Variants in DCC observed in about 807,000 individuals in gnomAD.
The protein encoded by DCC is netrin receptor DCC.
In DCC, 58 loss-of-function variants were observed where a neutral mutation model predicts 172.5. The ratio of observed to expected loss-of-function variants is 0.34; its 90% CI spans 0.27 to 0.42. The LOEUF is 0.42. DCC is among the 10% of genes least tolerant of loss of function. The probability of loss-of-function intolerance (pLI) is 1.00; values close to 1 mark genes in which losing one functional copy is unlikely to be tolerated. For missense variants in DCC, 1,740 were observed against 1,791.0 expected, an observed-to-expected ratio of 0.97 and a Z score of 0.51; for synonymous variants, 709 against 644.5, an observed-to-expected ratio of 1.10 and a Z score of -1.52.
At chr18:53,049,585 A>G (rs1168921319) in intron 5 of DCC, among the ~76,000 whole-genome samples, 1 of 152,080 alleles carries the variant, frequency 6.6e-6, no homozygotes, top group Non-Finnish European at 1.5e-5. Flanking sequence ...TGGTTACTGT[A>G]GCCTTGTAGT....
chr18:53,465,685 C>G (rs1331289767), intron 24 of DCC, among the ~76,000 whole-genome samples: 1 of 152,074 alleles, frequency 6.6e-6, no homozygotes. Flanking sequence ...GTTTCACACC[C>G]TTTTTCCTCT....
intron 28 of DCC, 56 bp downstream of exon 28, chr18:53,526,815 G>A: frequency 1.3e-6 from 2 of 1,595,966 alleles, no homozygotes; most frequent in Non-Finnish European, 1.7e-6. Context: ...CTGGCGCTGT[G>A]TAATAGCATC....
intron 8 of DCC, among the ~76,000 whole-genome samples, chr18:53,163,094 T>C (rs1187469508): frequency 6.6e-6 from 1 of 152,232 alleles, no homozygotes; most frequent in East Asian, 1.9e-4. Flanking sequence ...CCACCTTTTA[T>C]CAAGTTTGAT....
In DCC at chr18:53,390,541, GTT is replaced by G. The variant is rs1412777163; in HGVS notation, c.2456-1113_2456-1112del. Among the ~76,000 whole-genome samples the G allele has an allele frequency of 2.6e-5, 4 of 152,188 alleles. No individual in the cohort carries two copies. The East Asian group carries it at 7.7e-4, about 29-fold the overall frequency. On this transcript the variant is annotated intron_variant, in intron 16 of 28. Coordinates refer to ENST00000442544, the MANE Select transcript of DCC (RefSeq NM_005215.4). The stretch of plus-strand genomic sequence containing the variant: ...ATGTTATCATATGCCCAGCCTGAGA[GTT>G]ATATTATCACATATTATTTTTCTTA...
intron 1 of DCC, among the ~76,000 whole-genome samples, chr18:52,571,258 AAGAG>A (rs1307359351): frequency 6.6e-6 from 1 of 151,982 alleles, no homozygotes; most frequent in East Asian, 1.9e-4. Flanking sequence ...CTGACAGAGA[AAGAG>A]AGAGAAGGAG....
At chr18:53,448,751 G>A (rs546570082) in intron 22 of DCC, among the ~76,000 whole-genome samples, 3 of 152,274 alleles carry the variant, frequency 2.0e-5, no homozygotes, top group African/African-American at 7.2e-5. Context: ...TACTTGGGAG[G>A]CTGAGGCAAG....
chr18:53,026,756 T>G (rs2143942190), intron 5 of DCC, among the ~76,000 whole-genome samples: 1 of 151,960 alleles, frequency 6.6e-6, no homozygotes, highest in East Asian at 1.9e-4. Flanking sequence ...ATAGAAACAG[T>G]CTTACTATGT....
At chr18:53,362,899 C>T (rs141952303) in intron 15 of DCC, among the ~76,000 whole-genome samples, 1 of 152,098 alleles carries the variant, frequency 6.6e-6, no homozygotes, top group Non-Finnish European at 1.5e-5. Context: ...GCTTGCATGG[C>T]CCATAATAAT....
At chr18:53,017,241 G>A (rs1450353114) in intron 5 of DCC, among the ~76,000 whole-genome samples, 1 of 151,892 alleles carries the variant, frequency 6.6e-6, no homozygotes, top group African/African-American at 2.4e-5. Flanking sequence ...GTTGGGTGAA[G>A]GGTTTACAAA....
intron 5 of DCC, among the ~76,000 whole-genome samples, chr18:52,931,052 A>G (rs1440526961): frequency 7.9e-5 from 12 of 151,920 alleles, no homozygotes; most frequent in Admixed American, 7.9e-4. Context: ...AATTGGACAT[A>G]TTTTAAAGGT....
intron 7 of DCC, among the ~76,000 whole-genome samples, chr18:53,110,777 A>G (rs2043318458): frequency 7.7e-6 from 1 of 130,442 alleles, no homozygotes; most frequent in Admixed American, 8.1e-5. Flanking sequence ...GTGGAGAAAT[A>G]GGAACACTTT....
chr18:52,870,761 A>G (rs893234543), intron 2 of DCC, among the ~76,000 whole-genome samples: 3 of 141,860 alleles, frequency 2.1e-5, no homozygotes, highest in African/African-American at 5.3e-5. Context: ...CTCTGACCCA[A>G]TCATCACGCT....
intron 27 of DCC, among the ~76,000 whole-genome samples, chr18:53,500,959 A>G (rs1287519917): frequency 6.6e-6 from 1 of 152,118 alleles, no homozygotes; most frequent in Non-Finnish European, 1.5e-5. Context: ...CCCCAAAACT[A>G]TGAAGTCTTT....
chr18:52,683,402 T>G (rs2035780291), intron 1 of DCC, among the ~76,000 whole-genome samples: 1 of 152,100 alleles, frequency 6.6e-6, no homozygotes, highest in Admixed American at 6.6e-5. Flanking sequence ...CTCTTTATTC[T>G]TCTAAATTTC....
At chr18:53,106,313 A>G (rs993802286) in intron 7 of DCC, among the ~76,000 whole-genome samples, 23 of 152,006 alleles carry the variant, frequency 1.5e-4, no homozygotes, top group Non-Finnish European at 3.4e-4. Flanking sequence ...GCTTTCTGCC[A>G]TGTGCTTGGT....
chr18:52,863,561 T>C (rs2039176971), intron 2 of DCC, among the ~76,000 whole-genome samples: 1 of 151,748 alleles, frequency 6.6e-6, no homozygotes, highest in African/African-American at 2.4e-5. Context: ...TATATCTTAT[T>C]TGGAAATGAT....
rs1001989066 is a variant in DCC, at chr18:52,865,339, C to T, written c.413-40705C>T. On this transcript the variant is annotated intron_variant, in intron 2 of 28. Transcript: ENST00000442544. ...CTTTATAGTAGAATGATTTATAATC[C>T]TTTGGGTATATACCCAGTAATAGGA... is the stretch of plus-strand genomic sequence containing the variant. Among the ~76,000 whole-genome samples the T allele has an allele frequency of 8.5e-5, 13 of 152,196 alleles. No individual in the cohort carries two copies. The East Asian group carries it at 2.3e-3, about 27-fold the overall frequency.
chr18:53,232,325 G>C (rs922591720), intron 12 of DCC, among the ~76,000 whole-genome samples: 1 of 152,096 alleles, frequency 6.6e-6, no homozygotes, highest in Admixed American at 6.6e-5. Flanking sequence ...GTGACTATTA[G>C]ACATCCCTTA....
At position 53,534,998 on chromosome 18, in the gene DCC, A is replaced by T. The variant is rs1296926039; in HGVS notation, c.*4345A>T. The T allele has an allele frequency of 1.3e-5, 2 of 152,190 alleles. No individual in the cohort carries two copies. The highest frequency in any genetic ancestry group is 4.8e-5 in the African/African-American group (2 of 41,440). 9.4% of individuals were successfully genotyped at this position (152,190 alleles called of 1,614,324 possible). On this transcript the variant is annotated 3_prime_UTR_variant, in exon 29 of 29. Transcript: ENST00000442544. ...AGCAAAACTCTGCAAGATTTAATAA[A>T]CACAGGGGCATGGGCCAAGGGATCT...
Sources: allele counts gnomAD v4.1 joint callset (sites outside exome capture counted in the v4.1 genomes callset), GRCh38; gene constraint gnomAD v4.1.1; transcripts MANE v1.5; gene names NCBI Gene and HGNC (gene_info 2026-07-23, HGNC 2026-07-21).